The following PLPPR1 variants were observed in gnomAD, a reference collection of about 807,000 sequenced individuals.
The protein encoded by PLPPR1 is phospholipid phosphatase related 1.
PLPPR1 carries 10 observed loss-of-function variants against 33.1 expected under a neutral mutation model. The observed-to-expected ratio is 0.30, with a 90% CI of 0.19 to 0.51. The LOEUF is 0.51. Among genes scored for constraint, PLPPR1 ranks in the 20% least tolerant of loss-of-function variants. The probability of loss-of-function intolerance (pLI) is 0.97; values close to 1 mark genes in which losing one functional copy is unlikely to be tolerated. For missense variants in PLPPR1, 304 were observed against 408.1 expected (o/e 0.74, Z 2.20); for synonymous variants, 151 against 151.0 (o/e 1.00, Z 0.00).
intron 2 of PLPPR1, among the ~76,000 whole-genome samples, chr9:101,186,670 A>G (rs541412077): frequency 6.6e-6 from 1 of 152,020 alleles, no homozygotes; most frequent in Non-Finnish European, 1.5e-5. Context: ...ATATAGTCAG[A>G]TAATTTTGAG....
intron 1 of PLPPR1, among the ~76,000 whole-genome samples, chr9:101,071,451 G>A (rs1830481097): frequency 1.3e-5 from 2 of 152,148 alleles, no homozygotes; most frequent in Admixed American, 1.3e-4. Flanking sequence ...AAGCCCCAAC[G>A]AGTAAGTGGT....
At chr9:101,237,063 G>C (rs1442213035) in intron 2 of PLPPR1, among the ~76,000 whole-genome samples, 1 of 151,578 alleles carries the variant, frequency 6.6e-6, no homozygotes, top group Non-Finnish European at 1.5e-5. Context: ...TTAAATGTGT[G>C]AAAAATGCTC....
chr9:101,317,358 C>T lies in PLPPR1; in HGVS notation c.814-7C>T, dbSNP rs570969643. ...GACCCCATTCTTTTTTCCCCCTCAT[C>T]CTGCAGGGAATGTGTGTGGTTCATA... On this transcript the variant is annotated splice_polypyrimidine_tract_variant and splice_region_variant and intron_variant, in intron 6 of 7. Coordinates refer to ENST00000374874, the MANE Select transcript of PLPPR1 (RefSeq NM_207299.2). 59 of 1,611,544 alleles carry T rather than the reference C, an allele frequency of 3.7e-5. No homozygotes were observed. In the South Asian group the frequency reaches 6.2e-4, roughly 17 times the overall value.
intron 1 of PLPPR1, among the ~76,000 whole-genome samples, chr9:101,047,208 A>G (rs1274424443): frequency 1.3e-5 from 2 of 152,174 alleles, no homozygotes; most frequent in East Asian, 3.8e-4. Context: ...CCTCTCATAT[A>G]CATACATTTA....
In PLPPR1 at chr9:101,316,304, G is replaced by T. The variant is rs192564212; in HGVS notation, c.814-1061G>T. 5.8e-4 allele frequency among the ~76,000 whole-genome samples: 89 copies of T among 152,176 alleles called. 1 individual carries two copies. The East Asian group carries it at 0.015, about 26-fold the overall frequency. On this transcript the variant is annotated intron_variant, in intron 6 of 7. Coordinates refer to ENST00000374874, the MANE Select transcript of PLPPR1 (RefSeq NM_207299.2). ...TACAAAAAAGTAGCCAGGCGTGCTG[G>T]TGGGTGCCTGTAGTCCCAGCTACTC...
intron 4 of PLPPR1, among the ~76,000 whole-genome samples, chr9:101,289,673 C>G (rs973246334): frequency 6.6e-6 from 1 of 152,196 alleles, no homozygotes. Flanking sequence ...CTCATTTTCT[C>G]TCTTTGCCCA....
intron 1 of PLPPR1, among the ~76,000 whole-genome samples, chr9:101,056,213 A>G (rs1472217697): frequency 1.3e-5 from 2 of 152,198 alleles, no homozygotes; most frequent in Non-Finnish European, 2.9e-5. Flanking sequence ...GCCAGCTCTC[A>G]TTTAGAGCCT....
intron 2 of PLPPR1, among the ~76,000 whole-genome samples, chr9:101,261,700 C>T (rs1404815559): frequency 6.6e-6 from 1 of 152,146 alleles, no homozygotes; most frequent in Non-Finnish European, 1.5e-5. Context: ...TTCGCCGGAA[C>T]ATGGATAGAG....
chr9:101,235,921 G>GA (rs1193446808), intron 2 of PLPPR1, among the ~76,000 whole-genome samples: 1 of 151,770 alleles, frequency 6.6e-6, no homozygotes, highest in Non-Finnish European at 1.5e-5. Context: ...TAATTTTAAA[G>GA]ATGTCAGCAG....
intron 1 of PLPPR1, among the ~76,000 whole-genome samples, chr9:101,058,428 T>G (rs1027470481): frequency 6.6e-6 from 1 of 152,096 alleles, no homozygotes; most frequent in Non-Finnish European, 1.5e-5. Flanking sequence ...CAGTGAAATT[T>G]GATTTATTAC....
intron 4 of PLPPR1, among the ~76,000 whole-genome samples, chr9:101,293,382 T>C (rs1828556998): frequency 6.6e-6 from 1 of 151,616 alleles, no homozygotes; most frequent in African/African-American, 2.4e-5. Flanking sequence ...CTGTCAACAT[T>C]AGACAGATCA....
chr9:101,055,655 C>T (rs557407787), intron 1 of PLPPR1, among the ~76,000 whole-genome samples: 14 of 152,306 alleles, frequency 9.2e-5, no homozygotes, highest in East Asian at 1.9e-4. Flanking sequence ...ATTTTCATCA[C>T]GCACACAGAA....
At chr9:101,306,973 G>A (rs1342598211) in intron 4 of PLPPR1, among the ~76,000 whole-genome samples, 2 of 152,250 alleles carry the variant, frequency 1.3e-5, no homozygotes, top group Non-Finnish European at 2.9e-5. Context: ...GACATGGTCT[G>A]TGAGTTACCA....
At chr9:101,320,562 G>C (rs1217667698) in intron 7 of PLPPR1, among the ~76,000 whole-genome samples, 1 of 152,178 alleles carries the variant, frequency 6.6e-6, no homozygotes, top group Non-Finnish European at 1.5e-5. Context: ...GACTTCTGCA[G>C]GCTAGCCAGA....
At chr9:101,163,616 G>A (rs528887591) in intron 1 of PLPPR1, among the ~76,000 whole-genome samples, 3 of 152,224 alleles carry the variant, frequency 2.0e-5, no homozygotes, top group South Asian at 2.1e-4. Context: ...AGTGACATCC[G>A]GCTGAAGCAC....
intron 1 of PLPPR1, among the ~76,000 whole-genome samples, chr9:101,030,330 G>A (rs1223870581): frequency 1.3e-5 from 2 of 150,920 alleles, no homozygotes; most frequent in African/African-American, 2.4e-5. Context: ...GGAAGAGGTT[G>A]ACTGGAGGGG....
intron 2 of PLPPR1, among the ~76,000 whole-genome samples, chr9:101,250,353 T>C (rs1827693832): frequency 6.6e-6 from 1 of 152,096 alleles, no homozygotes; most frequent in Non-Finnish European, 1.5e-5. Context: ...GAGCACCCTC[T>C]TATGCTTACT....
intron 1 of PLPPR1, among the ~76,000 whole-genome samples, chr9:101,108,595 A>G (rs1390077138): frequency 6.6e-6 from 1 of 152,234 alleles, no homozygotes; most frequent in Non-Finnish European, 1.5e-5. Flanking sequence ...CATACAAGAA[A>G]TTTGGTCACC....
At chr9:101,125,083 T>C (rs1831227548) in intron 1 of PLPPR1, among the ~76,000 whole-genome samples, 2 of 152,390 alleles carry the variant, frequency 1.3e-5, no homozygotes, top group South Asian at 2.1e-4. Context: ...AAATCTCTGC[T>C]AGTCTTTGCT....
Sources: gnomAD v4.1 joint callset for allele counts (sites outside exome capture counted in the v4.1 genomes callset) on GRCh38, gnomAD v4.1.1 for gene constraint, MANE v1.5 for transcripts, NCBI Gene and HGNC (gene_info 2026-07-23, HGNC 2026-07-21) for gene names.